SLC10A7: variants seen among roughly 807,000 people sequenced by gnomAD.
SLC10A7 encodes the protein sodium/bile acid cotransporter 7.
Under a neutral mutation model 43.2 loss-of-function variants are expected in SLC10A7, and 29 were observed. The ratio of observed to expected loss-of-function variants is 0.67; its 90% confidence interval spans 0.50 to 0.92. SLC10A7 has a LOEUF of 0.92. Among genes scored for constraint, SLC10A7 ranks in the 40% least tolerant of loss-of-function variants. The pLI, the probability that SLC10A7 is intolerant of heterozygous loss-of-function variation, is 0.00. For missense variants in SLC10A7, 295 were observed against 403.2 expected (o/e 0.73, Z 2.30); for synonymous variants, 152 against 144.8 (o/e 1.05, Z -0.35).
At chr4:146,442,753 T>C (rs1208408032) in intron 5 of SLC10A7, 30 bp downstream of exon 5, 1 of 1,600,348 alleles carries the variant, frequency 6.2e-7, no homozygotes, top group South Asian at 1.1e-5. Context: ...GCAAAAGTTG[T>C]AATAGACAAG....
intron 6 of SLC10A7, among the ~76,000 whole-genome samples, chr4:146,320,649 G>C (rs1384840978): frequency 2.6e-5 from 4 of 151,994 alleles, no homozygotes; most frequent in Admixed American, 6.6e-5. Flanking sequence ...TTAGAGACCA[G>C]GGTATTGGAA....
intron 3 of SLC10A7, among the ~76,000 whole-genome samples, chr4:146,504,536 A>G (rs1736724599): frequency 6.6e-6 from 1 of 151,926 alleles, no homozygotes; most frequent in African/African-American, 2.4e-5. Context: ...AAAAAAAAAA[A>G]AAGAAAGATA....
chr4:146,331,829 A>G (rs1733557492), intron 5 of SLC10A7, among the ~76,000 whole-genome samples: 1 of 152,212 alleles, frequency 6.6e-6, no homozygotes, highest in Non-Finnish European at 1.5e-5. Context: ...CTTCAAGAAT[A>G]AAATGATGTC....
chr4:146,507,550 ACT>A (rs1307918522), intron 3 of SLC10A7, among the ~76,000 whole-genome samples: 1 of 151,914 alleles, frequency 6.6e-6, no homozygotes, highest in African/African-American at 2.4e-5. Context: ...ACAGAGTGAG[ACT>A]CTGTCTCAAA....
intron 5 of SLC10A7, among the ~76,000 whole-genome samples, chr4:146,372,447 C>T (rs1198313697): frequency 2.8e-5 from 3 of 107,212 alleles, no homozygotes; most frequent in East Asian, 2.7e-4. Flanking sequence ...GAGGGAAACC[C>T]TGTTTCAAAA....
At chr4:146,256,997 G>T in intron 11 of SLC10A7, 1 of 1,154,068 alleles carries the variant, frequency 8.7e-7, no homozygotes, top group Non-Finnish European at 1.2e-6. Flanking sequence ...AAATGCTTCT[G>T]TTATTCTACA....
chr4:146,460,070 T>A (rs1579243993), intron 4 of SLC10A7, among the ~76,000 whole-genome samples: 1 of 151,896 alleles, frequency 6.6e-6, no homozygotes, highest in Admixed American at 6.6e-5. Context: ...GATGACAAAT[T>A]AACACATGAA....
At chr4:146,432,181 T>G (rs1296526940) in intron 5 of SLC10A7, among the ~76,000 whole-genome samples, 1 of 152,212 alleles carries the variant, frequency 6.6e-6, no homozygotes, top group Non-Finnish European at 1.5e-5. Flanking sequence ...TATACAATCC[T>G]GCTAGGAATG....
chr4:146,471,331 G>A (rs1167321095), intron 4 of SLC10A7, among the ~76,000 whole-genome samples: 1 of 152,176 alleles, frequency 6.6e-6, no homozygotes, highest in East Asian at 1.9e-4. Flanking sequence ...AAGTTATCTA[G>A]AACACTGGAC....
At chr4:146,351,030 G>T (rs376066209) in intron 5 of SLC10A7, among the ~76,000 whole-genome samples, 33,951 of 149,254 alleles carry the variant, frequency 0.23, 4,344 homozygotes, top group African/African-American at 0.33. Context: ...AAGCTGGATG[G>T]AGAATGATTT....
rs535173272 is a variant in SLC10A7, at chr4:146,473,261, A to T, written c.397-30440T>A. 2.6e-5 allele frequency among the ~76,000 whole-genome samples: 4 copies of T among 152,304 alleles called. No individual in the cohort carries two copies. The East Asian group carries it at 5.8e-4, about 22-fold the overall frequency. Reference sequence around the variant, plus strand: ...AGACATGTCAAAATTATTTTGTTTAATCTCAAATGATTATTGAAAACAGTT... The same window carrying T: ...AGACATGTCAAAATTATTTTGTTTATTCTCAAATGATTATTGAAAACAGTT... On this transcript the variant is annotated intron_variant, in intron 4 of 11. Coordinates refer to ENST00000335472, the MANE Select transcript of SLC10A7 (RefSeq NM_001029998.6).
At chr4:146,510,800 C>A (rs1331881795) in intron 2 of SLC10A7, among the ~76,000 whole-genome samples, 1 of 152,140 alleles carries the variant, frequency 6.6e-6, no homozygotes, top group African/African-American at 2.4e-5. Context: ...CTATTCATTG[C>A]ACCAAGGCTA....
In SLC10A7 at chr4:146,418,643, C is replaced by T. The variant is rs549271324; in HGVS notation, c.435+24140G>A. ...GAAAAACCAAAGCAAAGTGCATTTCCTACTCTCTCTTACCACTCGATACAA... is the reference window on the plus strand; with the variant it reads ...GAAAAACCAAAGCAAAGTGCATTTCTTACTCTCTCTTACCACTCGATACAA... On this transcript the variant is annotated intron_variant, in intron 5 of 11. Coordinates refer to ENST00000335472, the MANE Select transcript of SLC10A7 (RefSeq NM_001029998.6). Among the ~76,000 whole-genome samples, 49 of 152,184 alleles carry T rather than the reference C, an allele frequency of 3.2e-4. 1 individual carries two copies. The South Asian group carries it at 9.8e-3, about 30-fold the overall frequency.
At chr4:146,465,662 C>A (rs1732959418) in intron 4 of SLC10A7, among the ~76,000 whole-genome samples, 2 of 152,114 alleles carry the variant, frequency 1.3e-5, no homozygotes, top group South Asian at 4.1e-4. Context: ...GTTCCTATTA[C>A]ATCAAATTAT....
chr4:146,404,369 T>C (rs1739428199), intron 5 of SLC10A7, among the ~76,000 whole-genome samples: 1 of 152,072 alleles, frequency 6.6e-6, no homozygotes, highest in Admixed American at 6.6e-5. Flanking sequence ...ACAGGTCTTG[T>C]GACTCTTGTT....
At chr4:146,311,015 T>G (rs934854345) in intron 6 of SLC10A7, among the ~76,000 whole-genome samples, 2 of 151,674 alleles carry the variant, frequency 1.3e-5, no homozygotes, top group Non-Finnish European at 2.9e-5. Flanking sequence ...ACACAGCAAA[T>G]GATTGGAGTG....
intron 9 of SLC10A7, among the ~76,000 whole-genome samples, chr4:146,289,559 GT>G (rs1483771876): frequency 6.6e-6 from 1 of 151,620 alleles, no homozygotes; most frequent in Non-Finnish European, 1.5e-5. Context: ...TAAATTTGCA[GT>G]TTCCCAAAGT....
At chr4:146,280,565 C>T (rs1481120433) in intron 10 of SLC10A7, among the ~76,000 whole-genome samples, 1 of 152,136 alleles carries the variant, frequency 6.6e-6, no homozygotes, top group Non-Finnish European at 1.5e-5. Context: ...TCCATTAGGA[C>T]TATTATCAGC....
intron 4 of SLC10A7, among the ~76,000 whole-genome samples, chr4:146,454,523 T>C (rs967859461): frequency 6.6e-6 from 1 of 151,898 alleles, no homozygotes; most frequent in Admixed American, 6.6e-5. Context: ...ATATTATTTT[T>C]AACAGACATT....
Sources: allele counts gnomAD v4.1 joint callset (sites outside exome capture counted in the v4.1 genomes callset), GRCh38; gene constraint gnomAD v4.1.1; transcripts MANE v1.5; gene names NCBI Gene and HGNC (gene_info 2026-07-23, HGNC 2026-07-21).